The following COL17A1 variants were observed in gnomAD, a reference collection of about 807,000 sequenced individuals.
COL17A1 encodes collagen alpha-1(XVII) chain.
COL17A1 carries 181 observed loss-of-function variants against 218.4 expected under a neutral mutation model. That is an observed-to-expected ratio of 0.83 (90% CI 0.73 to 0.94). The LOEUF (loss-of-function observed/expected upper bound fraction) is 0.94, where lower values mean the gene tolerates loss of function less well. COL17A1 is among the 40% of genes least tolerant of loss of function. COL17A1 has a pLI of 0.00. For missense variants in COL17A1, 1,924 were observed against 1,945.9 expected, an observed-to-expected ratio of 0.99 and a Z score of 0.21; for synonymous variants, 721 against 731.0, an observed-to-expected ratio of 0.99 and a Z score of 0.22.
At chr10:104,047,895 G>T (rs2086428451) in intron 30 of COL17A1, 85 bp from the exon 31 acceptor site, 2 of 1,430,764 alleles carry the variant, frequency 1.4e-6, no homozygotes, top group Non-Finnish European at 2.0e-6. Flanking sequence ...GTTTCTGAGG[G>T]TTTTCCTAAT....
At position 104,039,639 on chromosome 10, in the gene COL17A1, G is replaced by C. The variant is rs778645529; in HGVS notation, c.2790C>G (p.Gly930=). The part of the protein sequence containing the change: ...QGPPGPRGHQ[G]EQGLPGFSTS... ...TTGAGAAACCTGGGAGGCCTTGCTC[G>C]CCTGAGGAACACACCAAGGGAGGGA... is the stretch of plus-strand genomic sequence containing the variant. The change falls in exon 42 of 56, where the codon GGC becomes GGG. Residue 930 remains glycine, a splice_region_variant and synonymous_variant. Coordinates refer to ENST00000648076, the MANE Select transcript of COL17A1 (RefSeq NM_000494.4). 3.7e-6 allele frequency: 6 copies of C among 1,614,118 alleles called. No individual in the cohort carries two copies. The highest frequency in any genetic ancestry group is 1.7e-5 in the Admixed American group (1 of 60,026).
chr10:104,075,337 T>G (rs1306472052), intron 5 of COL17A1, among the ~76,000 whole-genome samples: 1 of 152,120 alleles, frequency 6.6e-6, no homozygotes, highest in African/African-American at 2.4e-5. Flanking sequence ...GCTGGATTCA[T>G]CAAGTGGAGT....
intron 5 of COL17A1, 116 bp from the exon 6 acceptor site, chr10:104,074,347 G>C (rs1009798978): frequency 7.7e-6 from 11 of 1,420,894 alleles, no homozygotes; most frequent in African/African-American, 2.8e-5. Context: ...AGTGTTTCAG[G>C]GGGGAATGAG....
At chr10:104,037,262 A>T in intron 46 of COL17A1, 149 bp from the exon 47 acceptor site, 1 of 770,744 alleles carries the variant, frequency 1.3e-6, no homozygotes, top group Non-Finnish European at 2.2e-6. Flanking sequence ...TTGAAAGCAT[A>T]ACAAAGTCAA....
intron 55 of COL17A1, 90 bp downstream of exon 55, chr10:104,032,584 C>T: frequency 7.2e-7 from 1 of 1,387,412 alleles, no homozygotes; most frequent in Non-Finnish European, 1.0e-6. Flanking sequence ...ATTTCTCAGG[C>T]TTGCTCTGGA....
At chr10:104,055,184 CT>C in intron 19 of COL17A1, 177 bp from the exon 20 acceptor site, 1 of 1,423,358 alleles carries the variant, frequency 7.0e-7, no homozygotes, top group Non-Finnish European at 9.7e-7. Flanking sequence ...CTGGGCTTCT[CT>C]TAGATGCTGC....
In COL17A1 at chr10:104,034,099, C is replaced by G. The variant is rs764056322; in HGVS notation, c.4002G>C (p.Arg1334Ser). Reference protein sequence around the residue: ...GGAFGEAAGDRGPYGTDIGPG... With the variant: ...GGAFGEAAGDSGPYGTDIGPG... The stretch of plus-strand genomic sequence containing the variant: ...GGCCGATGTCAGTGCCATAGGGACC[C>G]CTGTCTCCTGCAGCTTCACCAAAGG... The change falls in exon 52 of 56, where the codon AGG becomes AGC. Residue 1334 changes from arginine to serine, a missense_variant. Physicochemically the swap from Arg to Ser is moderately radical, Grantham distance 110. Transcript: ENST00000648076. 6.8e-6 allele frequency: 11 copies of G among 1,614,000 alleles called. No homozygotes were observed. In the African/African-American group the frequency reaches 1.2e-4, roughly 18 times the overall value.
rs765334031 is a variant in COL17A1 at position 104,034,021 on chromosome 10, G to A, written c.4080C>T (p.Gly1360=). ...AAEGGMYAGN[G]GLLGADFAGD... ...CAGCAAAGTCAGCTCCCAATAGTCC[G>A]CCATTGCCAGCATACATGCCGCCTT... is the stretch of plus-strand genomic sequence containing the variant. The change falls in exon 52 of 56, where the codon GGC becomes GGT. Residue 1360 remains glycine, a synonymous_variant. Transcript: ENST00000648076. 6.8e-6 allele frequency: 11 copies of A among 1,614,014 alleles called. No homozygotes were observed. The highest frequency in any genetic ancestry group is 1.3e-5 in the African/African-American group (1 of 74,914).
In COL17A1 at chr10:104,037,104, T is replaced by G. The variant is rs557663272; in HGVS notation, c.3218A>C (p.Tyr1073Ser). Residue 1073 changes from tyrosine (Y) to serine (S), a missense_variant, in exon 47 of 56, where the codon TAC becomes TCC. Physicochemically the swap from Tyr to Ser is moderately radical, Grantham distance 144 (BLOSUM62 -2). Coordinates refer to ENST00000648076, the MANE Select transcript of COL17A1 (RefSeq NM_000494.4). ...HVVSYLRTSG[Y>S]GVSLFSSSIS... Reference sequence around the variant, plus strand: ...GGAGGACGAGAACAAGCTGACACCGTACCCCGAAGCTGTCGGGAAGAAAAC... The same window carrying G: ...GGAGGACGAGAACAAGCTGACACCGGACCCCGAAGCTGTCGGGAAGAAAAC... 1.2e-6 allele frequency: 2 copies of G among 1,605,584 alleles called. No homozygotes were observed. Among genetic ancestry groups the G allele is most frequent in the African/African-American group, 1.3e-5 (1 of 74,908 alleles).
chr10:104,084,940 C>T (rs932689399), intron 1 of COL17A1, among the ~76,000 whole-genome samples: 1 of 152,222 alleles, frequency 6.6e-6, no homozygotes, highest in Non-Finnish European at 1.5e-5. Context: ...GAGGTTTTGC[C>T]TCCACTTCAA....
rs2086307794 is a variant in COL17A1, at chr10:104,037,094, G to C, written c.3228C>G (p.Ser1076Arg). 6.2e-7 allele frequency: 1 copy of C among 1,606,988 alleles called. No homozygotes were observed. The highest frequency in any genetic ancestry group is 1.1e-5 in the South Asian group (1 of 89,230). ...SYLRTSGYGV[S>R]LFSSSISSED... is the part of the protein sequence containing the mutation. ...CAGAAGAGATGGAGGACGAGAACAAGCTGACACCGTACCCCGAAGCTGTCG... is the reference window on the plus strand; with the variant it reads ...CAGAAGAGATGGAGGACGAGAACAACCTGACACCGTACCCCGAAGCTGTCG... Residue 1076 changes from serine to arginine, a missense_variant, in exon 47 of 56, where the codon AGC becomes AGG. Physicochemically the swap from Ser to Arg is moderately radical, Grantham distance 110. Transcript: ENST00000648076.
At chr10:104,078,500 ATG>A in intron 3 of COL17A1, 40 bp downstream of exon 3, 1 of 1,614,024 alleles carries the variant, frequency 6.2e-7, no homozygotes, top group Non-Finnish European at 8.5e-7. Context: ...GGCCCTTCAA[ATG>A]TGACCTACTG....
intron 6 of COL17A1, among the ~76,000 whole-genome samples, chr10:104,073,790 G>A (rs2086687116): frequency 6.6e-6 from 1 of 152,176 alleles, no homozygotes. Context: ...TTGAAAGCAA[G>A]CAATAGTGGA....
chr10:104,054,161 CTG>C (rs1261037923), intron 20 of COL17A1, 43 bp from the exon 21 acceptor site: 2 of 1,586,902 alleles, frequency 1.3e-6, no homozygotes, highest in Non-Finnish European at 1.7e-6. Context: ...AGCCAGAAGA[CTG>C]TGCCCAATTC....
chr10:104,078,293 C>A (rs191280562), intron 3 of COL17A1, among the ~76,000 whole-genome samples: 193 of 152,290 alleles, frequency 1.3e-3, no homozygotes, highest in South Asian at 5.4e-3. Context: ...CTAATGGTCA[C>A]TTCTTTTTGT....
intron 35 of COL17A1, among the ~76,000 whole-genome samples, chr10:104,043,105 C>T (rs2086376372): frequency 6.6e-6 from 1 of 152,162 alleles, no homozygotes; most frequent in African/African-American, 2.4e-5. Flanking sequence ...GCCCTGGATG[C>T]AGAATATCAA....
chr10:104,052,948 C>T, intron 23 of COL17A1, 83 bp downstream of exon 23: 1 of 1,497,102 alleles, frequency 6.7e-7, no homozygotes, highest in Non-Finnish European at 9.3e-7. Flanking sequence ...GAAACAGAGA[C>T]AGAGTGAAGG....
chr10:104,047,182 C>T (rs1206313524), intron 31 of COL17A1, among the ~76,000 whole-genome samples: 2 of 152,130 alleles, frequency 1.3e-5, no homozygotes, highest in Admixed American at 6.5e-5. Flanking sequence ...GAATGCCCAC[C>T]CGCCTTGACC....
rs11191917 is a variant in COL17A1 at position 104,076,417 on chromosome 10, C to T, written c.215G>A (p.Arg72Gln). The T allele has an allele frequency of 2.1e-5, 34 of 1,613,950 alleles. No homozygotes were observed. Among genetic ancestry groups the T allele is most frequent in the South Asian group, 7.7e-5 (7 of 91,066 alleles). ...SGYINSTGST[R>Q]GHASTSSYRR... ...GTAACTAGAGGTGGAGGCATGGCCT[C>T]GTGTGCTTCCAGCTGCAAGAGGGAA... The change falls in exon 5 of 56, where the codon CGA becomes CAA. Residue 72 changes from arginine (R) to glutamine (Q), a missense_variant. Coordinates refer to ENST00000648076, the MANE Select transcript of COL17A1 (RefSeq NM_000494.4).
Sources: gnomAD v4.1 joint callset for allele counts (sites outside exome capture counted in the v4.1 genomes callset) on GRCh38, gnomAD v4.1.1 for gene constraint, MANE v1.5 for transcripts, NCBI Gene and HGNC (gene_info 2026-07-23, HGNC 2026-07-21) for gene names.